APBA2: variants seen among roughly 807,000 people sequenced by gnomAD.
The protein encoded by APBA2 is amyloid beta precursor protein binding family A member 2.
A neutral mutation model predicts 75.0 loss-of-function variants in APBA2; 30 were observed. That is an observed-to-expected ratio of 0.40 (90% confidence interval 0.30 to 0.54). The LOEUF is 0.54. Ranked by LOEUF, APBA2 falls within the 20% of genes least tolerant of loss-of-function variation. The pLI is 0.49. For missense variants in APBA2, 801 were observed against 1,016.1 expected (o/e 0.79, Z 2.88); for synonymous variants, 444 against 409.6 (o/e 1.08, Z -1.01).
intron 3 of APBA2, among the ~76,000 whole-genome samples, chr15:29,039,149 G>GTA (rs1307968982): frequency 7.1e-6 from 1 of 140,246 alleles, no homozygotes; most frequent in East Asian, 2.3e-4. Flanking sequence ...GTGTGTGTGT[G>GTA]TGTGTGTATC....
At chr15:29,047,208 C>T (rs1387508621) in intron 3 of APBA2, among the ~76,000 whole-genome samples, 6 of 152,182 alleles carry the variant, frequency 3.9e-5, no homozygotes, top group Admixed American at 6.5e-5. Context: ...CAGTAGGTTC[C>T]GTGTAATTCT....
chr15:29,020,404 A>G (rs1242800579), intron 3 of APBA2, among the ~76,000 whole-genome samples: 2 of 151,970 alleles, frequency 1.3e-5, no homozygotes, highest in Admixed American at 6.6e-5. Flanking sequence ...TTTTCTTAGT[A>G]TTATGAAACT....
chr15:29,059,322 A>G (rs2152898810), intron 4 of APBA2, among the ~76,000 whole-genome samples: 1 of 152,302 alleles, frequency 6.6e-6, no homozygotes, highest in Middle Eastern at 3.4e-3. Flanking sequence ...CATGTGCTAG[A>G]GAAGCTTCCT....
intron 2 of APBA2, among the ~76,000 whole-genome samples, chr15:28,969,983 C>G (rs910696387): frequency 1.3e-5 from 2 of 152,216 alleles, no homozygotes; most frequent in Non-Finnish European, 2.9e-5. Flanking sequence ...ACACACATTC[C>G]AGCCTTCACT....
intron 13 of APBA2, among the ~76,000 whole-genome samples, chr15:29,113,111 C>T (rs2044829121): frequency 1.3e-5 from 2 of 152,134 alleles, no homozygotes; most frequent in African/African-American, 4.8e-5. Flanking sequence ...GTGCTGTCAC[C>T]CTCGGCTGTT....
At chr15:28,946,887 G>T (rs1265292032) in intron 2 of APBA2, among the ~76,000 whole-genome samples, 3 of 152,192 alleles carry the variant, frequency 2.0e-5, no homozygotes, top group Non-Finnish European at 4.4e-5. Flanking sequence ...CCCTCTGTGG[G>T]ATTTCTGAAC....
chr15:29,053,790 A>G (rs2041725953), intron 3 of APBA2, 55 bp from the exon 4 acceptor site: 3 of 1,156,896 alleles, frequency 2.6e-6, no homozygotes, highest in East Asian at 5.1e-5. Context: ...GGCCCCACAC[A>G]TGGCTGGGCT....
chr15:28,934,023 C>T (rs939710598), intron 2 of APBA2, among the ~76,000 whole-genome samples: 5 of 151,214 alleles, frequency 3.3e-5, no homozygotes, highest in Admixed American at 6.6e-5. Flanking sequence ...AGCTTGCACA[C>T]GGGAAAACAA....
chr15:29,112,360 C>T (rs781617912), intron 13 of APBA2, among the ~76,000 whole-genome samples: 2 of 152,312 alleles, frequency 1.3e-5, no homozygotes, highest in East Asian at 1.9e-4. Context: ...GCACCCAGAG[C>T]GAGCAGTCAG....
intron 4 of APBA2, among the ~76,000 whole-genome samples, chr15:29,073,826 T>C (rs183332737): frequency 2.0e-3 from 309 of 152,316 alleles, no homozygotes; most frequent in African/African-American, 7.0e-3. Context: ...TTCTGGATGA[T>C]ATAAGGAACT....
chr15:28,916,502 A>G (rs1326237355), intron 1 of APBA2, among the ~76,000 whole-genome samples: 1 of 152,096 alleles, frequency 6.6e-6, no homozygotes, highest in African/African-American at 2.4e-5. Context: ...CTCTGCTCCC[A>G]CCTGTCTCCC....
chr15:29,102,656 G>A (rs1216582435), intron 10 of APBA2: 1 of 152,292 alleles, frequency 6.6e-6, no homozygotes. Flanking sequence ...CTACGTGGGA[G>A]GCTGAGGCAG....
intron 13 of APBA2, 73 bp downstream of exon 13, chr15:29,108,462 A>G (rs2044553561): frequency 1.9e-6 from 3 of 1,609,860 alleles, no homozygotes; most frequent in African/African-American, 2.7e-5. Flanking sequence ...CTCCCGTCCA[A>G]TGGGGCAGGC....
chr15:28,985,945 T>G (rs1397511632), intron 2 of APBA2, among the ~76,000 whole-genome samples: 1 of 152,198 alleles, frequency 6.6e-6, no homozygotes, highest in Non-Finnish European at 1.5e-5. Flanking sequence ...GTGGCTGCCC[T>G]GGGCTTGCCA....
At chr15:28,949,432 G>C (rs1445062992) in intron 2 of APBA2, among the ~76,000 whole-genome samples, 1 of 152,148 alleles carries the variant, frequency 6.6e-6, no homozygotes, top group Non-Finnish European at 1.5e-5. Context: ...TCACGGAGGA[G>C]AGGTGCCTGC....
chr15:29,070,987 C>G (rs545035997), intron 4 of APBA2: 12 of 444,254 alleles, frequency 2.7e-5, no homozygotes, highest in African/African-American at 2.0e-4. Context: ...ATGGCTGTGG[C>G]TAGCCTGGCT....
intron 13 of APBA2, 104 bp downstream of exon 13, chr15:29,108,493 G>T: frequency 6.3e-7 from 1 of 1,578,070 alleles, no homozygotes; most frequent in South Asian, 1.1e-5. Context: ...AGCCTGGTAG[G>T]ACCTGGCCTG....
intron 3 of APBA2, among the ~76,000 whole-genome samples, chr15:29,014,285 A>T (rs76840036): frequency 0.013 from 2,030 of 152,346 alleles, 15 homozygotes; most frequent in Non-Finnish European, 0.02. Context: ...GTCCAGGTAT[A>T]CTCTCTTCCA....
At chr15:28,984,603 G>A (rs2037799275) in intron 2 of APBA2, among the ~76,000 whole-genome samples, 1 of 152,026 alleles carries the variant, frequency 6.6e-6, no homozygotes, top group African/African-American at 2.4e-5. Context: ...CATTAGAAGA[G>A]AGGCAGGGTC....
Sources: gnomAD v4.1 joint callset for allele counts (sites outside exome capture counted in the v4.1 genomes callset) on GRCh38, gnomAD v4.1.1 for gene constraint, MANE v1.5 for transcripts, NCBI Gene and HGNC (gene_info 2026-07-23, HGNC 2026-07-21) for gene names.